The following SMG7 variants were observed in gnomAD, a reference collection of about 807,000 sequenced individuals.
SMG7 encodes the protein SMG7 nonsense mediated mRNA decay factor, also known as nonsense-mediated mRNA decay factor SMG7.
Under a neutral mutation model 148.2 loss-of-function variants are expected in SMG7, and 34 were observed. That is an observed-to-expected ratio of 0.23 (90% CI 0.17 to 0.31). The LOEUF (loss-of-function observed/expected upper bound fraction) is 0.31. Ranked by LOEUF, SMG7 falls within the 10% of genes least tolerant of loss-of-function variation. SMG7 has a pLI of 1.00. For missense variants in SMG7, 1,114 were observed against 1,408.4 expected (o/e 0.79, Z 3.35); for synonymous variants, 492 against 515.1 (o/e 0.96, Z 0.61).
chr1:183,511,335 A>G (rs1662108802), intron 1 of SMG7, among the ~76,000 whole-genome samples: 1 of 152,220 alleles, frequency 6.6e-6, no homozygotes. Context: ...AAGTGCTGTG[A>G]GAGCATAAAA....
intron 1 of SMG7, among the ~76,000 whole-genome samples, chr1:183,512,555 CAT>C (rs567955172): frequency 2.0e-4 from 31 of 152,186 alleles, no homozygotes; most frequent in Admixed American, 1.6e-3. Flanking sequence ...AAGTAAATCA[CAT>C]GTGAAGGAAA....
intron 1 of SMG7, among the ~76,000 whole-genome samples, chr1:183,488,682 C>CTTTTTTTTTTTT (rs55662555): frequency 2.7e-5 from 2 of 75,092 alleles, no homozygotes; most frequent in Admixed American, 1.9e-4. Context: ...GTTTATAAGG[C>CTTTTTTTTTTTT]TTTTTTTTTT....
intron 8 of SMG7, among the ~76,000 whole-genome samples, chr1:183,529,768 A>G (rs1446661106): frequency 2.0e-5 from 3 of 152,174 alleles, no homozygotes; most frequent in African/African-American, 4.8e-5. Context: ...CCATTTGACA[A>G]AAATTATCAA....
At chr1:183,498,636 C>T (rs1050966240) in intron 1 of SMG7, among the ~76,000 whole-genome samples, 13 of 152,164 alleles carry the variant, frequency 8.5e-5, no homozygotes, top group African/African-American at 2.7e-4. Context: ...AGACAAATTG[C>T]GAGAAAGGTA....
At chr1:183,499,877 C>A (rs1659363196) in intron 1 of SMG7, among the ~76,000 whole-genome samples, 1 of 151,962 alleles carries the variant, frequency 6.6e-6, no homozygotes, top group Non-Finnish European at 1.5e-5. Flanking sequence ...TTCTGTTAAC[C>A]TTTTATCTGT....
intron 1 of SMG7, among the ~76,000 whole-genome samples, chr1:183,498,733 T>C (rs1322276034): frequency 6.6e-6 from 1 of 152,244 alleles, no homozygotes; most frequent in African/African-American, 2.4e-5. Flanking sequence ...ACATTTGTTA[T>C]AACTCGTGAA....
At chr1:183,535,721 T>A (rs1667643035) in intron 10 of SMG7, among the ~76,000 whole-genome samples, 1 of 152,204 alleles carries the variant, frequency 6.6e-6, no homozygotes, top group Admixed American at 6.5e-5. Flanking sequence ...ATACATGGAA[T>A]AGTGATTTTC....
At chr1:183,483,717 A>T (rs925735661) in intron 1 of SMG7, among the ~76,000 whole-genome samples, 7 of 152,206 alleles carry the variant, frequency 4.6e-5, no homozygotes, top group African/African-American at 1.2e-4. Flanking sequence ...TGACAGTATT[A>T]TACCTTGTCT....
rs1671444032 is a variant in SMG7, at chr1:183,553,748, TTC to T, written c.*1818_*1819del. 6.5e-6 allele frequency: 1 copy of T among 153,306 alleles called. No individual in the cohort carries two copies. 9.5% of individuals were successfully genotyped at this position (153,306 alleles called of 1,614,324 possible). The stretch of plus-strand genomic sequence containing the variant: ...ACCTTTTGTGCTTCTCTTCAGCCCC[TTC>T]CCTGTGTCCACCTTTCTCTCCTCTT... On this transcript the variant is annotated 3_prime_UTR_variant, in exon 23 of 23. Transcript: ENST00000688051.
intron 17 of SMG7, 55 bp from the exon 18 acceptor site, chr1:183,547,048 C>A (rs1670048692): frequency 6.7e-7 from 1 of 1,497,896 alleles, no homozygotes; most frequent in African/African-American, 1.4e-5. Context: ...GCTACTATTC[C>A]TTTATGCTTT....
At chr1:183,517,890 A>C (rs1177665790) in intron 4 of SMG7, 70 bp downstream of exon 4, 3 of 1,451,832 alleles carry the variant, frequency 2.1e-6, no homozygotes, top group Non-Finnish European at 2.9e-6. Flanking sequence ...TACACGTCTT[A>C]ATGCATGTAA....
intron 10 of SMG7, among the ~76,000 whole-genome samples, chr1:183,534,049 T>G (rs1667309097): frequency 6.6e-6 from 1 of 152,242 alleles, no homozygotes; most frequent in African/African-American, 2.4e-5. Context: ...TGTGACTCCT[T>G]GTACACTCCC....
At chr1:183,505,702 T>C (rs568478690) in intron 1 of SMG7, among the ~76,000 whole-genome samples, 13 of 152,368 alleles carry the variant, frequency 8.5e-5, no homozygotes, top group Admixed American at 3.9e-4. Flanking sequence ...GTAGCTGTTA[T>C]GGGTGTAGCC....
At chr1:183,486,252 A>G (rs1053017273) in intron 1 of SMG7, among the ~76,000 whole-genome samples, 31 of 152,230 alleles carry the variant, frequency 2.0e-4, no homozygotes, top group Non-Finnish European at 1.2e-4. Context: ...ACTTACTGCA[A>G]ACATTTTGAA....
chr1:183,494,306 A>G (rs940718058), intron 1 of SMG7, among the ~76,000 whole-genome samples: 16 of 151,246 alleles, frequency 1.1e-4, no homozygotes, highest in Admixed American at 4.6e-4. Flanking sequence ...TTGTACTACT[A>G]TTGTCAAACA....
In SMG7 at chr1:183,553,021, T is replaced by G. The variant is rs1301468338; in HGVS notation, c.*1090T>G. 2.6e-6 allele frequency: 4 copies of G among 1,536,174 alleles called. No homozygotes were observed. Among genetic ancestry groups the G allele is most frequent in the Non-Finnish European group, 3.5e-6 (4 of 1,146,932 alleles). ...AGCAGTTGGGGCCCAAAAGACAGTC[T>G]GAAGAGGAAGGAAGCAGCAGTATCT... On this transcript the variant is annotated 3_prime_UTR_variant, in exon 23 of 23. Transcript: ENST00000688051.
At chr1:183,483,430 A>G (rs1422118551) in intron 1 of SMG7, among the ~76,000 whole-genome samples, 1 of 152,172 alleles carries the variant, frequency 6.6e-6, no homozygotes, top group Non-Finnish European at 1.5e-5. Flanking sequence ...AATCAAAGGA[A>G]AATGCAACTG....
intron 18 of SMG7, among the ~76,000 whole-genome samples, chr1:183,548,496 G>T (rs748475629): frequency 2.0e-5 from 3 of 150,216 alleles, no homozygotes; most frequent in Non-Finnish European, 4.4e-5. Flanking sequence ...TATTTTCAGG[G>T]TTTTTTTTTC....
intron 8 of SMG7, 80 bp downstream of exon 8, chr1:183,529,613 T>G (rs1003090449): frequency 1.5e-5 from 17 of 1,134,242 alleles, no homozygotes; most frequent in Non-Finnish European, 2.1e-5. Context: ...CTCCCAGTTT[T>G]TGTAGTTACT....
Sources: allele counts gnomAD v4.1 joint callset (sites outside exome capture counted in the v4.1 genomes callset), GRCh38; gene constraint gnomAD v4.1.1; transcripts MANE v1.5; gene names NCBI Gene and HGNC (gene_info 2026-07-23, HGNC 2026-07-21).